The following BRI3 variants were observed in gnomAD, a reference collection of about 807,000 sequenced individuals.
BRI3 encodes the protein membrane protein BRI3.
A neutral mutation model predicts 12.8 loss-of-function variants in BRI3; 6 were observed. The observed-to-expected ratio is 0.47, with a 90% CI of 0.26 to 0.93. The LOEUF is 0.93. Among genes scored for constraint, BRI3 ranks in the 40% least tolerant of loss-of-function variants. BRI3 has a pLI of 0.15. For synonymous variants in BRI3, 91 were observed against 76.1 expected (o/e 1.20, Z -1.02); for missense variants, 134 against 171.1 (o/e 0.78, Z 1.21).
Position 98,281,890 on chromosome 7 carries a change from C to G in BRI3, c.95C>G (p.Ala32Gly). ...GCGTGCGGCCCGCACGGCTACGGCG[C>G]CATCCCCGCCGCGCCCCCGCCGCCG... Reference protein sequence around the residue: ...DYACGPHGYGAIPAAPPPPPY... With the variant: ...DYACGPHGYGGIPAAPPPPPY... The change falls in exon 1 of 3, where the codon GCC (alanine) becomes GGC (glycine). Residue 32 changes from alanine (A) to glycine (G), a missense_variant. Transcript: ENST00000297290. 2.3e-6 allele frequency: 3 copies of G among 1,306,588 alleles called. No homozygotes were observed. The highest frequency in any genetic ancestry group is 2.9e-6 in the Non-Finnish European group (3 of 1,027,428). 80.9% of individuals were successfully genotyped at this position (1,306,588 alleles called of 1,614,324 possible).
At chr7:98,312,112 G>A (rs554904041), downstream of BRI3, 289 of 1,603,142 alleles carry the variant, frequency 1.8e-4, 2 homozygotes, top group South Asian at 2.1e-3. Flanking sequence ...TGCTTCTCTC[G>A]ATCATGGGTG....
downstream of BRI3, chr7:98,293,607 TAAG>T: frequency 1.9e-6 from 3 of 1,611,436 alleles, no homozygotes; most frequent in East Asian, 2.2e-5. Context: ...CTGCAGGGGA[TAAG>T]AAAAATCTTT....
chr7:98,318,080 A>G, the BRI3 span, among the ~76,000 whole-genome samples: 1 of 152,124 alleles, frequency 6.6e-6, no homozygotes, highest in Non-Finnish European at 1.5e-5. Context: ...CTCAACCCGC[A>G]GTTCACACCA....
At chr7:98,304,439 C>G (rs1388809981), upstream of BRI3, 1 of 1,543,016 alleles carries the variant, frequency 6.5e-7, no homozygotes, top group East Asian at 2.3e-5. Context: ...CCCAAACATC[C>G]TCTGTGTCCC....
Position 98,291,095 on chromosome 7 carries a change from CCCG to C in BRI3, c.246-15_246-13del. ...GGTCCTTACGGTGCCACCCTCTCTG[CCCG>C]TCTCTGCTGCAGGGTTGGGGTGCTG... On this transcript the variant is annotated splice_polypyrimidine_tract_variant and intron_variant, in intron 2 of 2. Coordinates refer to ENST00000297290, the MANE Select transcript of BRI3 (RefSeq NM_015379.5). 6.2e-7 allele frequency: 1 copy of C among 1,612,310 alleles called. No individual in the cohort carries two copies. Among genetic ancestry groups the C allele is most frequent in the Non-Finnish European group, 8.5e-7 (1 of 1,179,708 alleles).
chr7:98,292,417 C>T (rs1584404256), downstream of BRI3: 2 of 562,548 alleles, frequency 3.6e-6, no homozygotes, highest in Non-Finnish European at 6.3e-6. Flanking sequence ...CAGGTGATCC[C>T]CCTGCCTCGG....
rs1171462936 is a variant in BRI3 at position 98,282,377 on chromosome 7, T to G, written c.169T>G (p.Tyr57Asp). 1 of 1,614,082 alleles carries G rather than the reference T, an allele frequency of 6.2e-7. No individual in the cohort carries two copies. Among genetic ancestry groups the G allele is most frequent in the South Asian group, 1.1e-5 (1 of 91,088 alleles). ...TGIPTHHPRVYNIHSRTVTRY... is the reference protein window; with the variant it reads ...TGIPTHHPRVDNIHSRTVTRY... ...GATACCCACCCACCATCCCAGGGTC[T>G]ACAACATCCACAGCCGGACCGTCAC... The change falls in exon 2 of 3, where the codon TAC becomes GAC. Residue 57 changes from tyrosine to aspartate, a missense_variant. Tyr to Asp is a radical substitution (Grantham distance 160, BLOSUM62 -3). Coordinates refer to ENST00000297290, the MANE Select transcript of BRI3 (RefSeq NM_015379.5).
chr7:98,307,769 A>G (rs746872726), exon 2 of BRI3: 51 of 1,614,130 alleles, frequency 3.2e-5, no homozygotes, highest in Non-Finnish European at 4.1e-5. Context: ...CTCCCTGTGC[A>G]AAGCTGAGTA....
At chr7:98,294,878 C>T (rs955949564), downstream of BRI3, among the ~76,000 whole-genome samples, 1 of 152,208 alleles carries the variant, frequency 6.6e-6, no homozygotes, top group African/African-American at 2.4e-5. Context: ...CTTCCAGCAC[C>T]TGCCACCCAG....
chr7:98,304,414 G>A, upstream of BRI3: 1 of 1,605,498 alleles, frequency 6.2e-7, no homozygotes, highest in Non-Finnish European at 8.5e-7. Flanking sequence ...GTTAGATAAT[G>A]TCTCACCACC....
chr7:98,290,920 G>T (rs1189132506), intron 2 of BRI3, among the ~76,000 whole-genome samples, 191 bp from the exon 3 acceptor site: 1 of 152,186 alleles, frequency 6.6e-6, no homozygotes, highest in Non-Finnish European at 1.5e-5. Context: ...CGTGCAGCTG[G>T]TTCTTGGGGC....
chr7:98,293,836 CT>C (rs1190720494), downstream of BRI3, among the ~76,000 whole-genome samples: 2 of 152,244 alleles, frequency 1.3e-5, no homozygotes, highest in Non-Finnish European at 2.9e-5. Context: ...GCACCCACAC[CT>C]CTTTAGTCCT....
intron 1 of BRI3, among the ~76,000 whole-genome samples, chr7:98,299,418 A>G (rs556550931): frequency 3.8e-4 from 58 of 152,214 alleles, no homozygotes; most frequent in Admixed American, 8.5e-4. Flanking sequence ...TCGGCCTCCC[A>G]AAGTGCTGGG....
chr7:98,292,844 ACTC>A, downstream of BRI3: 1 of 1,443,970 alleles, frequency 6.9e-7, no homozygotes, highest in South Asian at 1.5e-5. Flanking sequence ...TCCGTTGGCG[ACTC>A]CTAACTACCA....
downstream of BRI3, among the ~76,000 whole-genome samples, chr7:98,295,489 C>G (rs1800153726): frequency 6.6e-6 from 1 of 152,196 alleles, no homozygotes; most frequent in Non-Finnish European, 1.5e-5. Flanking sequence ...GAGGTGCATG[C>G]TCTGCGATTA....
chr7:98,307,391 C>T, intron 1 of BRI3: 1 of 1,216,436 alleles, frequency 8.2e-7, no homozygotes, highest in Non-Finnish European at 1.0e-6. Context: ...CAAGCATGAG[C>T]CACTGCACTG....
chr7:98,322,276 G>C, the BRI3 span, among the ~76,000 whole-genome samples: 1 of 152,146 alleles, frequency 6.6e-6, no homozygotes, highest in Non-Finnish European at 1.5e-5. Flanking sequence ...GAAGACATCT[G>C]AGTCTGACAC....
chr7:98,290,910 C>T (rs558912072), intron 2 of BRI3, among the ~76,000 whole-genome samples: 7 of 152,224 alleles, frequency 4.6e-5, no homozygotes, highest in Admixed American at 6.5e-5. Flanking sequence ...TGAACGGGTA[C>T]GTGCAGCTGG....
chr7:98,292,614 G>A, downstream of BRI3: 5 of 1,551,246 alleles, frequency 3.2e-6, no homozygotes, highest in Non-Finnish European at 4.4e-6. Flanking sequence ...ATGGCTGCTA[G>A]GCTGAAAAAC....
Sources: gnomAD v4.1 joint callset for allele counts (sites outside exome capture counted in the v4.1 genomes callset) on GRCh38, gnomAD v4.1.1 for gene constraint, MANE v1.5 for transcripts, NCBI Gene and HGNC (gene_info 2026-07-23, HGNC 2026-07-21) for gene names.